The following TOP3A variants were observed in gnomAD, a reference collection of about 807,000 sequenced individuals.
TOP3A encodes DNA topoisomerase III alpha, also known as DNA topoisomerase 3-alpha.
In TOP3A, 64 loss-of-function variants were observed where a neutral mutation model predicts 111.3. The observed-to-expected ratio is 0.57, with a 90% confidence interval of 0.47 to 0.71. The LOEUF is 0.71. Among genes scored for constraint, TOP3A ranks in the 30% least tolerant of loss-of-function variants. The pLI is 0.00. For synonymous variants in TOP3A, 484 were observed against 485.1 expected, an observed-to-expected ratio of 1.00 and a Z score of 0.03; for missense variants, 1,104 against 1,285.0, an observed-to-expected ratio of 0.86 and a Z score of 2.15.
At chr17:18,276,133 T>C (rs1460221627) in intron 18 of TOP3A, among the ~76,000 whole-genome samples, 1 of 152,202 alleles carries the variant, frequency 6.6e-6, no homozygotes, top group African/African-American at 2.4e-5. Flanking sequence ...AAGTGGACTT[T>C]CATGCCGGCC....
In TOP3A at chr17:18,302,708, T is replaced by A. The variant is rs368048718; in HGVS notation, c.515A>T (p.Gln172Leu). 9.9e-6 allele frequency: 16 copies of A among 1,613,836 alleles called. No homozygotes were observed. The highest frequency in any genetic ancestry group is 1.4e-5 in the Non-Finnish European group (16 of 1,179,858). ...HVCKAVKPNL[Q>L]VLRARFSEIT... ...CTCAGAGAATCGGGCTCGCAACACC[T>A]GCAGATTGGGCTTTACTGCAGAACA... The change falls in exon 6 of 19, where the codon CAG becomes CTG. Residue 172 changes from glutamine to leucine, a missense_variant. By Grantham distance (113) the Gln-to-Leu change is moderately radical (BLOSUM62 -2). Transcript: ENST00000321105.
At position 18,314,617 on chromosome 17, in the gene TOP3A, T is replaced by C; in HGVS notation, c.162A>G (p.Ser54=). 2 of 1,611,322 alleles carry C rather than the reference T, an allele frequency of 1.2e-6. No individual in the cohort carries two copies. Among genetic ancestry groups the C allele is most frequent in the Non-Finnish European group, 1.7e-6 (2 of 1,178,612 alleles). The change falls in exon 1 of 19, where the codon TCA becomes TCG. Residue 54 remains serine (S), a synonymous_variant. Coordinates refer to ENST00000321105, the MANE Select transcript of TOP3A (RefSeq NM_004618.5). ...TTCTTACCCGCCTCATGCGACCGTT[T>C]GACAGCAGGTCGGCGATCCCCTTGG... The part of the protein sequence containing the change: ...DAAKGIADLL[S]NGRMRRREGL...
intron 16 of TOP3A, among the ~76,000 whole-genome samples, chr17:18,281,620 G>C (rs1979764616): frequency 6.6e-6 from 1 of 152,182 alleles, no homozygotes; most frequent in South Asian, 2.1e-4. Context: ...TAAGCCTAGA[G>C]TGGCACTGGC....
Position 18,314,886 on chromosome 17 carries a change from G to T in TOP3A, c.-108C>A, listed in dbSNP as rs947530969. The T allele has an allele frequency of 1.7e-6, 1 of 580,510 alleles. No homozygotes were observed. Among genetic ancestry groups the T allele is most frequent in the Non-Finnish European group, 2.7e-6 (1 of 373,614 alleles). The allele number at this position is 580,510 out of a possible 1,614,324, so 36.0% of individuals were successfully genotyped here. ...CGAAAGGGAACCAGAGCCTCGCTTC[G>T]GTCACGTCCCCACCAGCCTGCTGGC... On this transcript the variant is annotated 5_prime_UTR_variant, in exon 1 of 19. Transcript: ENST00000321105.
intron 8 of TOP3A, among the ~76,000 whole-genome samples, chr17:18,301,017 AAAC>A (rs1981194132): frequency 1.3e-5 from 2 of 152,218 alleles, no homozygotes; most frequent in Non-Finnish European, 2.9e-5. Context: ...GGATTAAACA[AAAC>A]AACACATAAC....
intron 9 of TOP3A, among the ~76,000 whole-genome samples, chr17:18,298,233 C>G (rs1198446706): frequency 2.7e-5 from 4 of 149,982 alleles, no homozygotes; most frequent in African/African-American, 9.9e-5. Context: ...CCAGCAGCCG[C>G]GCCGTCTGAG....
At chr17:18,310,236 C>T (rs1024255722) in intron 1 of TOP3A, among the ~76,000 whole-genome samples, 6 of 151,736 alleles carry the variant, frequency 4.0e-5, no homozygotes, top group Non-Finnish European at 7.4e-5. Flanking sequence ...ACCAGCCTGG[C>T]CAACATAGTG....
chr17:18,280,516 G>A lies in TOP3A; in HGVS notation c.2144+20C>T. The A allele has an allele frequency of 6.2e-7, 1 of 1,611,576 alleles. No individual in the cohort carries two copies. The highest frequency in any genetic ancestry group is 8.5e-7 in the Non-Finnish European group (1 of 1,178,694). ...TGTACACACTCCAGAGGAGGCACCT[G>A]ACTCAGGTGCCCAGCTCACCTGTAC... On this transcript the variant is annotated intron_variant, in intron 17 of 18. Transcript: ENST00000321105.
At chr17:18,302,771 C>A in intron 5 of TOP3A, 48 bp from the exon 6 acceptor site, 1 of 1,584,010 alleles carries the variant, frequency 6.3e-7, no homozygotes, top group South Asian at 1.1e-5. Context: ...TCACACTGCC[C>A]TCCATCATAA....
Position 18,305,128 on chromosome 17 carries a change from G to A in TOP3A, c.483C>T (p.Ile161=), listed in dbSNP as rs138655866. 7.4e-6 allele frequency: 12 copies of A among 1,613,988 alleles called. No individual in the cohort carries two copies. In the African/African-American group the frequency reaches 1.3e-4, roughly 18 times the overall value. Residue 161 remains isoleucine (I), a synonymous_variant, in exon 5 of 19, where the codon ATC becomes ATT. Coordinates refer to ENST00000321105, the MANE Select transcript of TOP3A (RefSeq NM_004618.5). ...AGCACTTACCAGCCTTACACACGTGGATAATCTCAAACCCGATGTTTTCGC... is the reference window on the plus strand; with the variant it reads ...AGCACTTACCAGCCTTACACACGTGAATAATCTCAAACCCGATGTTTTCGC... The part of the protein sequence containing the change: ...REGENIGFEI[I]HVCKAVKPNL...
Position 18,274,521 on chromosome 17 carries a change from G to A in TOP3A, c.*281C>T, listed in dbSNP as rs1979204933. 3.4e-6 allele frequency: 1 copy of A among 290,590 alleles called. No homozygotes were observed. The highest frequency in any genetic ancestry group is 6.4e-6 in the Non-Finnish European group (1 of 157,340). 18.0% of individuals were successfully genotyped at this position (290,590 alleles called of 1,614,324 possible). On this transcript the variant is annotated 3_prime_UTR_variant, in exon 19 of 19. Coordinates refer to ENST00000321105, the MANE Select transcript of TOP3A (RefSeq NM_004618.5). ...GGACTGCACCAATCCTCTGCTAACA[G>A]CAACCATCCTTGGGGGGTCCGAGGG...
At position 18,271,916 on chromosome 17, in the gene TOP3A, A is replaced by C; in HGVS notation, c.*2886T>G. 1 of 315,158 alleles carries C rather than the reference A, an allele frequency of 3.2e-6. No individual in the cohort carries two copies. The highest frequency in any genetic ancestry group is 4.8e-5 in the Admixed American group (1 of 21,014). 19.5% of individuals were successfully genotyped at this position (315,158 alleles called of 1,614,324 possible). ...CGTCTTTACTAAAAATACTAAACAAATTAGCTGGGTGTGGAGGCAGATGCC... is the reference window on the plus strand; with the variant it reads ...CGTCTTTACTAAAAATACTAAACAACTTAGCTGGGTGTGGAGGCAGATGCC... On this transcript the variant is annotated 3_prime_UTR_variant, in exon 19 of 19. Transcript: ENST00000321105.
rs549088456 is a variant in TOP3A, at chr17:18,288,217, A to C, written c.1597+2340T>G. Among the ~76,000 whole-genome samples, 210 of 145,858 alleles carry C rather than the reference A, an allele frequency of 1.4e-3. 2 individuals carry two copies. The highest frequency in any genetic ancestry group is 2.6e-3 in the Non-Finnish European group (174 of 66,950). On this transcript the variant is annotated intron_variant, in intron 13 of 18. Coordinates refer to ENST00000321105, the MANE Select transcript of TOP3A (RefSeq NM_004618.5). ...ACCAAGGCTGAAGTGCAGTGGCACA[A>C]TCTTGGCTCACTGCAACCTCCACCT...
At chr17:18,307,681 CA>C (rs1174326578) in intron 3 of TOP3A, 1 of 152,058 alleles carries the variant, frequency 6.6e-6, no homozygotes, top group Admixed American at 6.6e-5. Flanking sequence ...CTTTGGGAGG[CA>C]AAAGAAGGCA....
rs138933272 is a variant in TOP3A, at chr17:18,299,582, G to T, written c.967C>A (p.Arg323=). 1.4e-5 allele frequency: 22 copies of T among 1,614,016 alleles called. No individual in the cohort carries two copies. Among genetic ancestry groups the T allele is most frequent in the Middle Eastern group, 3.3e-4 (2 of 6,060 alleles). ...EVRSKPKSKW[R]PQALDTVELE... is the part of the protein sequence containing the mutation. Reference sequence around the variant, plus strand: ...ACCACAGTGTCCAAGGCTTGAGGCCGCCACTTGCTCTTGGGCTTAGATCTG... The same window carrying T: ...ACCACAGTGTCCAAGGCTTGAGGCCTCCACTTGCTCTTGGGCTTAGATCTG... The change falls in exon 9 of 19, where the codon CGG becomes AGG. Residue 323 remains arginine, a synonymous_variant. Coordinates refer to ENST00000321105, the MANE Select transcript of TOP3A (RefSeq NM_004618.5).
intron 16 of TOP3A, among the ~76,000 whole-genome samples, chr17:18,282,107 GC>G (rs1449904909): frequency 3.3e-5 from 5 of 152,070 alleles, no homozygotes; most frequent in Non-Finnish European, 7.4e-5. Flanking sequence ...AAGCTAAATT[GC>G]CCACTCAGAT....
Position 18,277,879 on chromosome 17 carries a change from G to T in TOP3A, c.2623C>A (p.Pro875Thr). 1 of 1,614,006 alleles carries T rather than the reference G, an allele frequency of 6.2e-7. No homozygotes were observed. The highest frequency in any genetic ancestry group is 8.5e-7 in the Non-Finnish European group (1 of 1,179,994). Residue 875 changes from proline to threonine, a missense_variant, in exon 18 of 19, where the codon CCA becomes ACA. Transcript: ENST00000321105. Reference protein sequence around the residue: ...RPLGASLGCPPGPGIHLGGFG... With the variant: ...RPLGASLGCPTGPGIHLGGFG... The stretch of plus-strand genomic sequence containing the variant: ...CCACCTAGGTGGATCCCTGGGCCTG[G>T]TGGGCATCCCAGGGAGGCGCCCAGG...
chr17:18,279,859 A>T (rs922218858), intron 17 of TOP3A, among the ~76,000 whole-genome samples: 3 of 152,006 alleles, frequency 2.0e-5, no homozygotes, highest in Non-Finnish European at 4.4e-5. Context: ...GCTAATTTAA[A>T]ATTTTTTTTG....
intron 13 of TOP3A, among the ~76,000 whole-genome samples, 169 bp from the exon 14 acceptor site, chr17:18,285,689 A>G (rs1298943639): frequency 6.6e-6 from 1 of 152,138 alleles, no homozygotes; most frequent in African/African-American, 2.4e-5. Flanking sequence ...CACAATGGCA[A>G]CCTCAACTCT....
Sources: gnomAD v4.1 joint callset for allele counts (sites outside exome capture counted in the v4.1 genomes callset) on GRCh38, gnomAD v4.1.1 for gene constraint, MANE v1.5 for transcripts, NCBI Gene and HGNC (gene_info 2026-07-23, HGNC 2026-07-21) for gene names.